KIAA0408: variants seen among roughly 807,000 people sequenced by gnomAD.
KIAA0408 encodes uncharacterized protein KIAA0408.
In KIAA0408, 51 loss-of-function variants were observed where a neutral mutation model predicts 60.9. That is an observed-to-expected ratio of 0.84 (90% CI 0.67 to 1.06). The LOEUF (loss-of-function observed/expected upper bound fraction) is 1.06. KIAA0408 is among the 50% of genes least tolerant of loss of function. The pLI, the probability that KIAA0408 is intolerant of heterozygous loss-of-function variation, is 0.00. For missense variants in KIAA0408, 787 were observed against 833.9 expected (o/e 0.94, Z 0.69); for synonymous variants, 304 against 282.4 (o/e 1.08, Z -0.77).
intron 4 of KIAA0408, among the ~76,000 whole-genome samples, chr6:127,448,883 T>G (rs1773249215): frequency 1.3e-5 from 2 of 152,168 alleles, no homozygotes; most frequent in Admixed American, 1.3e-4. Flanking sequence ...TAATCCATCT[T>G]TACTAAACTT....
At chr6:127,458,348 T>C (rs1320892261) in intron 1 of KIAA0408, among the ~76,000 whole-genome samples, 4 of 152,232 alleles carry the variant, frequency 2.6e-5, no homozygotes, top group Non-Finnish European at 1.5e-5. Context: ...AAGGGAAATT[T>C]TTTTCATTGC....
At chr6:127,455,645 A>G (rs1269915589) in intron 1 of KIAA0408, among the ~76,000 whole-genome samples, 1 of 152,154 alleles carries the variant, frequency 6.6e-6, no homozygotes, top group Non-Finnish European at 1.5e-5. Context: ...TACTAAAGAT[A>G]TTTTGATAAT....
rs527613930 is a variant in KIAA0408 at position 127,444,752 on chromosome 6, A to T, written c.1912-470T>A. Reference sequence around the variant, plus strand: ...GCACACAAACCAAATGATTAATCTGATGCTTTTTTTTTTCACTATCACTGG... The same window carrying T: ...GCACACAAACCAAATGATTAATCTGTTGCTTTTTTTTTTCACTATCACTGG... On this transcript the variant is annotated intron_variant, in intron 5 of 5. Transcript: ENST00000483725. 3.1e-3 allele frequency among the ~76,000 whole-genome samples: 468 copies of T among 152,172 alleles called. 2 individuals carry two copies. Among genetic ancestry groups the T allele is most frequent in the African/African-American group, 0.011 (450 of 41,570 alleles).
chr6:127,448,031 CTA>C (rs1253355206), intron 4 of KIAA0408, among the ~76,000 whole-genome samples: 4 of 152,184 alleles, frequency 2.6e-5, no homozygotes, highest in Non-Finnish European at 5.9e-5. Context: ...TCAGATTAAA[CTA>C]TGTAGTCTCC....
At position 127,459,194 on chromosome 6, in the gene KIAA0408, T is replaced by C. The variant is rs1053433645; in HGVS notation, c.-140A>G. On this transcript the variant is annotated 5_prime_UTR_variant, in exon 1 of 6. Coordinates refer to ENST00000483725, the MANE Select transcript of KIAA0408 (RefSeq NM_014702.5). ...ACATACCTTTCACACTGGGGAGAAA[T>C]CCTATGGATGCTCGACCACTGGTCA... The C allele has an allele frequency of 2.0e-5, 3 of 152,090 alleles. No homozygotes were observed. The highest frequency in any genetic ancestry group is 4.8e-5 in the African/African-American group (2 of 41,386). 9.4% of individuals were successfully genotyped at this position (152,090 alleles called of 1,614,324 possible). A position where few individuals can be genotyped will look rare whatever the true frequency, so the allele number is the denominator to read the frequency against.
chr6:127,451,967 A>C (rs1169760367), intron 2 of KIAA0408, among the ~76,000 whole-genome samples: 1 of 152,156 alleles, frequency 6.6e-6, no homozygotes, highest in Non-Finnish European at 1.5e-5. Flanking sequence ...AAAACAAAAC[A>C]AAACCCCAGA....
intron 4 of KIAA0408, among the ~76,000 whole-genome samples, chr6:127,448,604 G>C (rs1441308968): frequency 6.6e-6 from 1 of 152,044 alleles, no homozygotes; most frequent in Non-Finnish European, 1.5e-5. Flanking sequence ...TAATCACACT[G>C]ATAAATATAA....
At position 127,452,409 on chromosome 6, in the gene KIAA0408, C is replaced by T. The variant is rs545660105; in HGVS notation, c.135+1438G>A. On this transcript the variant is annotated intron_variant, in intron 2 of 5. Transcript: ENST00000483725. ...TCCAAGATAAAAAAATATGACAGCC[C>T]GTTTGTCTCTCTGATACAGAAAGGG... is the stretch of plus-strand genomic sequence containing the variant. Among the ~76,000 whole-genome samples, 5 of 152,150 alleles carry T rather than the reference C, an allele frequency of 3.3e-5. No individual in the cohort carries two copies. The South Asian group carries it at 8.3e-4, about 25-fold the overall frequency.
In KIAA0408 at chr6:127,453,895, T is replaced by C. The variant is rs1324729358; in HGVS notation, c.87A>G (p.Arg29=). 1 of 1,613,030 alleles carries C rather than the reference T, an allele frequency of 6.2e-7. No individual in the cohort carries two copies. The highest frequency in any genetic ancestry group is 8.5e-7 in the Non-Finnish European group (1 of 1,179,248). Residue 29 remains arginine, a synonymous_variant, in exon 2 of 6, where the codon AGA becomes AGG. Coordinates refer to ENST00000483725, the MANE Select transcript of KIAA0408 (RefSeq NM_014702.5). ...MELLDQFDNE[R]KEWESQWKIM... ...TCTTCCATTGACTTTCCCATTCCTT[T>C]CTTTCATTGTCAAACTGGTCCAGTA... is the stretch of plus-strand genomic sequence containing the variant.
intron 5 of KIAA0408, among the ~76,000 whole-genome samples, chr6:127,444,559 A>G (rs1773157236): frequency 6.6e-6 from 1 of 152,216 alleles, no homozygotes; most frequent in Non-Finnish European, 1.5e-5. Context: ...TGATGAGCTC[A>G]GGATTTAAAA....
chr6:127,442,457 G>A lies in KIAA0408; in HGVS notation c.*1652C>T, dbSNP rs1773121906. On this transcript the variant is annotated 3_prime_UTR_variant, in exon 6 of 6. Coordinates refer to ENST00000483725, the MANE Select transcript of KIAA0408 (RefSeq NM_014702.5). ...TCTTTGATAGCTTCCTGTGGAAAAGGATCTTCCTGAAGGAAATAAGAATTA... is the reference window on the plus strand; with the variant it reads ...TCTTTGATAGCTTCCTGTGGAAAAGAATCTTCCTGAAGGAAATAAGAATTA... The A allele has an allele frequency of 6.6e-6, 1 of 152,190 alleles. No individual in the cohort carries two copies. Among genetic ancestry groups the A allele is most frequent in the South Asian group, 2.1e-4 (1 of 4,830 alleles). 9.4% of individuals were successfully genotyped at this position (152,190 alleles called of 1,614,324 possible). A position where few individuals can be genotyped will look rare whatever the true frequency, so the allele number is the denominator to read the frequency against.
At position 127,450,429 on chromosome 6, in the gene KIAA0408, C is replaced by A. The variant is rs1773282671; in HGVS notation, c.136-77G>T. The A allele has an allele frequency of 2.0e-6, 3 of 1,473,148 alleles. No individual in the cohort carries two copies. In the South Asian group the frequency reaches 4.3e-5, roughly 21 times the overall value. The allele number at this position is 1,473,148 out of a possible 1,614,324, so 91.3% of individuals were successfully genotyped here. Reference sequence around the variant, plus strand: ...GCTAATATTCTTGATACTAAGCAAACCGCTTTGAGTTCTCTTTGCCATATT... The same window carrying A: ...GCTAATATTCTTGATACTAAGCAAAACGCTTTGAGTTCTCTTTGCCATATT... On this transcript the variant is annotated intron_variant, in intron 2 of 5. Transcript: ENST00000483725.
intron 2 of KIAA0408, 38 bp downstream of exon 2, chr6:127,453,809 T>TA: frequency 6.3e-7 from 1 of 1,591,716 alleles, no homozygotes; most frequent in African/African-American, 1.3e-5. Flanking sequence ...ATCCTGCACT[T>TA]AAACATTACA....
Position 127,443,855 on chromosome 6 carries a change from A to G in KIAA0408, c.*254T>C, listed in dbSNP as rs761059715. The G allele has an allele frequency of 1.7e-5, 7 of 408,578 alleles. No homozygotes were observed. In the South Asian group the frequency reaches 2.1e-4, roughly 12 times the overall value. The allele number at this position is 408,578 out of a possible 1,614,324, so 25.3% of individuals were successfully genotyped here. A position where few individuals can be genotyped will look rare whatever the true frequency, so the allele number is the denominator to read the frequency against. ...TACTTTCTGCCACTTGCAACAAAGA[A>G]TATACAATATTGTACATTGTTTCAA... On this transcript the variant is annotated 3_prime_UTR_variant, in exon 6 of 6. Transcript: ENST00000483725.
At chr6:127,451,184 T>C (rs1434556283) in intron 2 of KIAA0408, 3 of 403,348 alleles carry the variant, frequency 7.4e-6, no homozygotes, top group Non-Finnish European at 1.5e-5. Flanking sequence ...CAGATGACTA[T>C]CAAAGCAAAT....
intron 1 of KIAA0408, among the ~76,000 whole-genome samples, chr6:127,458,510 C>A (rs568652108): frequency 6.6e-6 from 1 of 152,250 alleles, no homozygotes; most frequent in South Asian, 2.1e-4. Context: ...AGAAAACATC[C>A]AAGCTGTATG....
chr6:127,458,620 G>T (rs1032259686), intron 1 of KIAA0408, among the ~76,000 whole-genome samples: 2 of 152,112 alleles, frequency 1.3e-5, no homozygotes, highest in Admixed American at 6.6e-5. Flanking sequence ...AGACATAGTG[G>T]TAAGTTTCCC....
intron 1 of KIAA0408, among the ~76,000 whole-genome samples, chr6:127,456,941 C>A (rs1773406423): frequency 6.6e-6 from 1 of 152,118 alleles, no homozygotes; most frequent in African/African-American, 2.4e-5. Flanking sequence ...CCTTCCTCTT[C>A]TTGTCTTTCC....
chr6:127,453,990 T>G lies in KIAA0408; in HGVS notation c.-9A>C, dbSNP rs189125987. The G allele has an allele frequency of 1.9e-6, 3 of 1,607,130 alleles. No homozygotes were observed. The East Asian group carries it at 6.7e-5, about 36-fold the overall frequency. On this transcript the variant is annotated 5_prime_UTR_variant, in exon 2 of 6. Transcript: ENST00000483725. ...TGCTTATGTAGGTCCATGGCAACAGTGTAAGTGTCAGCAAAGAAGTGTTTC... is the reference window on the plus strand; with the variant it reads ...TGCTTATGTAGGTCCATGGCAACAGGGTAAGTGTCAGCAAAGAAGTGTTTC...
Sources: allele counts gnomAD v4.1 joint callset (sites outside exome capture counted in the v4.1 genomes callset), GRCh38; gene constraint gnomAD v4.1.1; transcripts MANE v1.5; gene names NCBI Gene and HGNC (gene_info 2026-07-23, HGNC 2026-07-21).